The following PES1 variants were observed in gnomAD, a reference collection of about 807,000 sequenced individuals.
PES1 encodes pescadillo ribosomal biogenesis factor 1.
PES1 carries 31 observed loss-of-function variants against 77.1 expected under a neutral mutation model. That is an observed-to-expected ratio of 0.40 (90% CI 0.30 to 0.54). PES1 has a LOEUF of 0.54. PES1 is among the 20% of genes least tolerant of loss of function. PES1 has a pLI of 0.45. For missense variants in PES1, 658 were observed against 771.7 expected, an observed-to-expected ratio of 0.85 and a Z score of 1.75; for synonymous variants, 282 against 303.0, an observed-to-expected ratio of 0.93 and a Z score of 0.72.
intron 2 of PES1, among the ~76,000 whole-genome samples, chr22:30,603,532 C>A (rs2087390875): frequency 6.6e-6 from 1 of 151,948 alleles, no homozygotes; most frequent in Non-Finnish European, 1.5e-5. Flanking sequence ...CAGGCACATG[C>A]CACCATGCCC....
chr22:30,592,043 C>T (rs1210075596), upstream of PES1: 2 of 1,365,398 alleles, frequency 1.5e-6, no homozygotes, highest in Non-Finnish European at 1.9e-6. Context: ...TCACTGAGAA[C>T]ACTCTTTCCA....
chr22:30,598,519 C>T (rs1365544419), intron 2 of PES1, among the ~76,000 whole-genome samples: 2 of 152,160 alleles, frequency 1.3e-5, no homozygotes, highest in African/African-American at 2.4e-5. Context: ...ACCTCTGCTT[C>T]CCGGGTTTAG....
chr22:30,585,325 G>C, intron 4 of PES1: 1 of 471,574 alleles, frequency 2.1e-6, no homozygotes, highest in East Asian at 7.0e-5. Context: ...TCTGGTAAAT[G>C]ACGAAGCCAA....
At chr22:30,601,323 T>C (rs1020586700) in intron 2 of PES1, among the ~76,000 whole-genome samples, 3 of 152,208 alleles carry the variant, frequency 2.0e-5, no homozygotes, top group African/African-American at 7.2e-5. Flanking sequence ...GATCTAATTT[T>C]TTTTTTTTTA....
Position 30,588,069 on chromosome 22 carries a change from G to C in PES1, c.210C>G (p.Ile70Met). ...CAATGGGTTCGTGGAGGAGAAACCTGATGTCTTTGATAAGGTAAAACGTTC... is the reference window on the plus strand; with the variant it reads ...CAATGGGTTCGTGGAGGAGAAACCTCATGTCTTTGATAAGGTAAAACGTTC... ...AARTFYLIKD[I>M]RFLLHEPIVN... Residue 70 changes from isoleucine to methionine, a missense_variant, in exon 3 of 15, where the codon ATC becomes ATG. Transcript: ENST00000354694. The C allele has an allele frequency of 6.2e-7, 1 of 1,614,158 alleles. No homozygotes were observed. The highest frequency in any genetic ancestry group is 8.5e-7 in the Non-Finnish European group (1 of 1,180,034).
chr22:30,593,926 G>A (rs919916942), upstream of PES1, among the ~76,000 whole-genome samples: 5 of 152,172 alleles, frequency 3.3e-5, no homozygotes, highest in Admixed American at 1.3e-4. Flanking sequence ...ACTACCTAAC[G>A]TATAGTAGAA....
At chr22:30,591,492 C>T (rs2087175335) in intron 1 of PES1, among the ~76,000 whole-genome samples, 2 of 152,164 alleles carry the variant, frequency 1.3e-5, no homozygotes, top group Admixed American at 1.3e-4. Context: ...ACGGTGAGCT[C>T]TACGTAATGT....
At chr22:30,606,979 G>A (rs1003133781) in exon 1 of PES1, 3 of 761,706 alleles carry the variant, frequency 3.9e-6, no homozygotes, top group African/African-American at 1.8e-5. Flanking sequence ...TGACAGATCA[G>A]GCATCAGGCC....
chr22:30,596,353 T>TGTGTGC (rs2087252158), upstream of PES1, among the ~76,000 whole-genome samples: 1 of 152,030 alleles, frequency 6.6e-6, no homozygotes, highest in Non-Finnish European at 1.5e-5. Context: ...TGTGTGTGTG[T>TGTGTGC]GTGCGTGTGT....
At chr22:30,605,354 C>G (rs1569035184) in intron 2 of PES1, 15 of 506,294 alleles carry the variant, frequency 3.0e-5, no homozygotes, top group Non-Finnish European at 3.8e-5. Context: ...CCCTCTAGCA[C>G]TGAGTCCAGG....
chr22:30,582,795 T>G (rs1440464091), intron 6 of PES1, among the ~76,000 whole-genome samples: 4 of 145,778 alleles, frequency 2.7e-5, no homozygotes, highest in Non-Finnish European at 5.9e-5. Flanking sequence ...TGAGGGCCCC[T>G]GACAGGCACA....
upstream of PES1, chr22:30,591,918 ACCCT>A: frequency 2.7e-6 from 4 of 1,484,140 alleles, no homozygotes; most frequent in Non-Finnish European, 3.6e-6. Flanking sequence ...GACCCCGAGG[ACCCT>A]CCCCACCCCA....
At position 30,579,224 on chromosome 22, in the gene PES1, C is replaced by T. The variant is rs2086945092; in HGVS notation, c.1434G>A (p.Glu478=). The T allele has an allele frequency of 1.9e-6, 3 of 1,604,848 alleles. No homozygotes were observed. In the South Asian group the frequency reaches 3.3e-5, roughly 18 times the overall value. The change falls in exon 13 of 15, where the codon GAG becomes GAA. Residue 478 remains glutamate, a synonymous_variant. Transcript: ENST00000354694. ...CAGCCTCTGCATCTTCCTCCTCCTC[C>T]TCATTTTCTCCCTCTTCATCACCAT... ...EGDGDEEGEN[E]EEEEDAEAGS...
In PES1 at chr22:30,587,389, C is replaced by A. The variant is rs138439159; in HGVS notation, c.265G>T (p.Val89Phe). ...CCATAAGCCTTCCGGAGCTTCCGGACGAACACCTGGAAGAAAGAAAGAAAA... is the reference window on the plus strand; with the variant it reads ...CCATAAGCCTTCCGGAGCTTCCGGAAGAACACCTGGAAGAAAGAAAGAAAA... The part of the protein sequence containing the change: ...VNKFREYKVF[V>F]RKLRKAYGKS... Residue 89 changes from valine (V) to phenylalanine (F), a missense_variant, in exon 4 of 15, where the codon GTC becomes TTC. Transcript: ENST00000354694. 6.2e-7 allele frequency: 1 copy of A among 1,612,158 alleles called. No individual in the cohort carries two copies. The highest frequency in any genetic ancestry group is 8.5e-7 in the Non-Finnish European group (1 of 1,178,290).
intron 12 of PES1, 124 bp downstream of exon 12, chr22:30,579,627 C>A: frequency 1.1e-6 from 1 of 889,854 alleles, no homozygotes; most frequent in Non-Finnish European, 1.7e-6. Flanking sequence ...CCTTATTCTA[C>A]AGGTGACTTC....
In PES1 at chr22:30,597,248, G is replaced by A. The variant is rs73396362; in HGVS notation, c.-660-4850C>T. 4.0e-3 allele frequency among the ~76,000 whole-genome samples: 608 copies of A among 152,042 alleles called. 6 individuals carry two copies. Among genetic ancestry groups the A allele is most frequent in the African/African-American group, 0.014 (569 of 41,486 alleles). On this transcript the variant is annotated intron_variant, in intron 2 of 16. Coordinates refer to the PES1 transcript ENST00000402281. ...CAACTGCCCAAGGGCTGAGGAGTGC[G>A]GGAGCATGAGAGCAGGACTGGCAGG...
intron 2 of PES1, among the ~76,000 whole-genome samples, chr22:30,599,510 T>C (rs953223964): frequency 6.6e-6 from 1 of 152,218 alleles, no homozygotes; most frequent in Non-Finnish European, 1.5e-5. Flanking sequence ...TTAAGATTCT[T>C]AGGTGAACAT....
upstream of PES1, among the ~76,000 whole-genome samples, chr22:30,596,482 G>A (rs1409543546): frequency 6.7e-6 from 1 of 149,658 alleles, no homozygotes; most frequent in Non-Finnish European, 1.5e-5. Flanking sequence ...ACCATGCCTG[G>A]CCCCATTTAA....
chr22:30,576,796 T>G lies in PES1; in HGVS notation c.*250A>C, dbSNP rs561364035. On this transcript the variant is annotated 3_prime_UTR_variant, in exon 15 of 15. Transcript: ENST00000354694. ...GGTGGGCCTCTGCACCTCATGTCAC[T>G]GGCTCCTGGGAGCAGAGAATCAGGC... The G allele has an allele frequency of 1.8e-6, 1 of 553,946 alleles. No homozygotes were observed. Among genetic ancestry groups the G allele is most frequent in the Admixed American group, 3.2e-5 (1 of 31,326 alleles). 34.3% of individuals were successfully genotyped at this position (553,946 alleles called of 1,614,324 possible). A position where few individuals can be genotyped will look rare whatever the true frequency, so the allele number is the denominator to read the frequency against.
Sources: allele counts gnomAD v4.1 joint callset (sites outside exome capture counted in the v4.1 genomes callset), GRCh38; gene constraint gnomAD v4.1.1; transcripts MANE v1.5; gene names NCBI Gene and HGNC (gene_info 2026-07-23, HGNC 2026-07-21).